WFDC11: variants seen among roughly 807,000 people sequenced by gnomAD.
The protein encoded by WFDC11 is protein WFDC11.
A neutral mutation model predicts 9.9 loss-of-function variants in WFDC11; 9 were observed. The observed-to-expected ratio is 0.91, with a 90% confidence interval of 0.55 to 1.58. The LOEUF is 1.58. Among genes scored for constraint, WFDC11 ranks in the 40% most tolerant of loss-of-function variants. WFDC11 has a pLI of 0.00. For missense variants in WFDC11, 106 were observed against 101.7 expected (o/e 1.04, Z -0.18); for synonymous variants, 32 against 33.3 (o/e 0.96, Z 0.13).
chr20:45,668,483 G>GA lies in WFDC11; in HGVS notation c.-133-1315dup, dbSNP rs11305672. ...TTATATCATTTACTTCTCTCCGTAGGAAAAAAAAAAGAAAAAGATTTCTTT... is the reference window on the plus strand; with the variant it reads ...TTATATCATTTACTTCTCTCCGTAGGAAAAAAAAAAAGAAAAAGATTTCTTT... On this transcript the variant is annotated intron_variant, in intron 1 of 4. Coordinates refer to ENST00000324384, the MANE Select transcript of WFDC11 (RefSeq NM_147197.2). Among the ~76,000 whole-genome samples the GA allele has an allele frequency of 2.2e-3, 319 of 147,090 alleles. 1 individual carries two copies. The highest frequency in any genetic ancestry group is 5.7e-3 in the Admixed American group (84 of 14,798).
At chr20:45,656,240 A>G (rs1480555179) in intron 2 of WFDC11, among the ~76,000 whole-genome samples, 9 of 152,278 alleles carry the variant, frequency 5.9e-5, no homozygotes, top group Non-Finnish European at 1.0e-4. Flanking sequence ...AAACAGAGAT[A>G]TAGACGAATG....
chr20:45,666,584 T>C (rs1983193389), intron 2 of WFDC11, among the ~76,000 whole-genome samples: 2 of 152,250 alleles, frequency 1.3e-5, no homozygotes, highest in South Asian at 2.1e-4. Flanking sequence ...GTATTTCTTA[T>C]CAACCTGAGC....
intron 2 of WFDC11, among the ~76,000 whole-genome samples, chr20:45,658,715 C>A (rs575829385): frequency 6.6e-6 from 1 of 151,570 alleles, no homozygotes; most frequent in South Asian, 2.1e-4. Context: ...CTGCTCTGAT[C>A]TTGGTTATTT....
At chr20:45,651,869 G>C (rs1982814781) in intron 2 of WFDC11, among the ~76,000 whole-genome samples, 1 of 150,126 alleles carries the variant, frequency 6.7e-6, no homozygotes, top group African/African-American at 2.5e-5. Flanking sequence ...AAAACTGCAA[G>C]GCGGCAGCGA....
intron 2 of WFDC11, among the ~76,000 whole-genome samples, chr20:45,654,789 G>A (rs1317158966): frequency 6.6e-6 from 1 of 152,130 alleles, no homozygotes; most frequent in African/African-American, 2.4e-5. Context: ...TACCATCAGA[G>A]AATACTAGAA....
intron 2 of WFDC11, among the ~76,000 whole-genome samples, chr20:45,666,830 C>T (rs1354954755): frequency 6.6e-6 from 1 of 152,120 alleles, no homozygotes; most frequent in East Asian, 1.9e-4. Context: ...GTTATGTATT[C>T]TCAATGGGAA....
intron 3 of WFDC11, among the ~76,000 whole-genome samples, chr20:45,650,247 T>TAGAGAGAG (rs1555803261): frequency 1.3e-5 from 2 of 148,826 alleles, no homozygotes; most frequent in African/African-American, 5.0e-5. Context: ...TGTATATATA[T>TAGAGAGAG]AGAGAGAGAG....
chr20:45,655,990 A>T (rs6104277), intron 2 of WFDC11, among the ~76,000 whole-genome samples: 3,475 of 152,180 alleles, frequency 0.023, 143 homozygotes, highest in African/African-American at 0.08. Flanking sequence ...ATCAATATCG[A>T]GAAAATGGCC....
At chr20:45,661,297 T>A (rs371719263) in intron 2 of WFDC11, among the ~76,000 whole-genome samples, 1 of 152,150 alleles carries the variant, frequency 6.6e-6, no homozygotes, top group Non-Finnish European at 1.5e-5. Context: ...GTTTGAGTTC[T>A]TTATAGATTC....
intron 2 of WFDC11, among the ~76,000 whole-genome samples, chr20:45,663,875 A>G (rs535464165): frequency 1.1e-4 from 17 of 152,246 alleles, no homozygotes; most frequent in South Asian, 6.2e-4. Context: ...AATAAGTGCG[A>G]TGTGGTGCTG....
chr20:45,663,790 G>A (rs1417698883), intron 2 of WFDC11, among the ~76,000 whole-genome samples: 2 of 152,226 alleles, frequency 1.3e-5, no homozygotes, highest in East Asian at 3.8e-4. Flanking sequence ...TGGTCTGAGA[G>A]ACAGTTTGTT....
chr20:45,665,277 G>C (rs182082241), intron 2 of WFDC11, among the ~76,000 whole-genome samples: 1 of 152,108 alleles, frequency 6.6e-6, no homozygotes, highest in Non-Finnish European at 1.5e-5. Context: ...GGTCATTTAA[G>C]GTCTTCTCTA....
At chr20:45,662,684 G>A (rs1461233926) in intron 2 of WFDC11, among the ~76,000 whole-genome samples, 1 of 152,136 alleles carries the variant, frequency 6.6e-6, no homozygotes, top group Non-Finnish European at 1.5e-5. Flanking sequence ...TAATCATGTG[G>A]TTTTTGTCTT....
At chr20:45,651,663 G>A (rs906835062) in intron 2 of WFDC11, among the ~76,000 whole-genome samples, 1 of 152,142 alleles carries the variant, frequency 6.6e-6, no homozygotes, top group Non-Finnish European at 1.5e-5. Context: ...GAAGTGCAAA[G>A]GGTCAGGGAA....
At chr20:45,657,834 G>C (rs1427660448) in intron 2 of WFDC11, among the ~76,000 whole-genome samples, 1 of 152,238 alleles carries the variant, frequency 6.6e-6, no homozygotes, top group East Asian at 1.9e-4. Context: ...GTAAGCTAAT[G>C]TTAAGTGTTC....
intron 2 of WFDC11, among the ~76,000 whole-genome samples, chr20:45,656,103 CA>C (rs200508227): frequency 6.6e-6 from 1 of 151,876 alleles, no homozygotes; most frequent in Admixed American, 6.6e-5. Flanking sequence ...CATATGGAAC[CA>C]AAAAAGAGCC....
At chr20:45,656,676 C>T (rs1982940475) in intron 2 of WFDC11, among the ~76,000 whole-genome samples, 1 of 151,936 alleles carries the variant, frequency 6.6e-6, no homozygotes, top group East Asian at 1.9e-4. Flanking sequence ...AAAATTTTTG[C>T]AATCTACCCA....
At chr20:45,649,171 C>T in intron 4 of WFDC11, 86 bp downstream of exon 4, 1 of 1,518,168 alleles carries the variant, frequency 6.6e-7, no homozygotes, top group Non-Finnish European at 8.9e-7. Flanking sequence ...TGGGGTACCT[C>T]AGTCTTCTGT....
chr20:45,649,264 A>G lies in WFDC11; in HGVS notation c.236T>C (p.Ile79Thr), dbSNP rs1982749481. The G allele has an allele frequency of 6.2e-7, 1 of 1,614,082 alleles. No homozygotes were observed. Among genetic ancestry groups the G allele is most frequent in the African/African-American group, 1.3e-5 (1 of 75,032 alleles). ...AAACATCTCCCAACTCACGACGTTT[A>G]TCCAGCAGATGTTTCCACAATAGGT... ...CWTYCGNICW[I>T]NVETSGDY The change falls in exon 4 of 5, where the codon ATA (isoleucine) becomes ACA (threonine). Residue 79 changes from isoleucine (I) to threonine (T), a missense_variant. Transcript: ENST00000324384.
Sources: allele counts gnomAD v4.1 joint callset (sites outside exome capture counted in the v4.1 genomes callset), GRCh38; gene constraint gnomAD v4.1.1; transcripts MANE v1.5; gene names NCBI Gene and HGNC (gene_info 2026-07-23, HGNC 2026-07-21).